Variants in KCNMB2 observed in about 807,000 individuals in gnomAD.
The protein encoded by KCNMB2 is potassium calcium-activated channel subfamily M regulatory beta subunit 2.
A neutral mutation model predicts 24.5 loss-of-function variants in KCNMB2; 9 were observed. The ratio of observed to expected loss-of-function variants is 0.37; its 90% CI spans 0.22 to 0.64. The LOEUF (loss-of-function observed/expected upper bound fraction) is 0.64, where lower values mean the gene tolerates loss of function less well. Among genes scored for constraint, KCNMB2 ranks in the 30% least tolerant of loss-of-function variants. The pLI is 0.63. For missense variants in KCNMB2, 226 were observed against 284.3 expected (o/e 0.79, Z 1.47); for synonymous variants, 109 against 104.4 (o/e 1.04, Z -0.27).
chr3:178,716,262 T>C (rs1052183625), intron 1 of KCNMB2, among the ~76,000 whole-genome samples: 3 of 152,186 alleles, frequency 2.0e-5, no homozygotes, highest in African/African-American at 2.4e-5. Flanking sequence ...TGTTGAGAGT[T>C]TGCAATACGT....
chr3:178,829,215 C>T (rs1364685362), intron 4 of KCNMB2, among the ~76,000 whole-genome samples: 2 of 152,004 alleles, frequency 1.3e-5, no homozygotes, highest in Non-Finnish European at 1.5e-5. Flanking sequence ...ATCTCATATG[C>T]CAAGACAACT....
At chr3:178,576,884 G>A (rs1012796103) in intron 1 of KCNMB2, among the ~76,000 whole-genome samples, 2 of 152,314 alleles carry the variant, frequency 1.3e-5, no homozygotes, top group African/African-American at 2.4e-5. Context: ...CTGGGACAGA[G>A]CACCTGGGGG....
At chr3:178,569,413 G>GCCTCAT (rs1243267489) in intron 1 of KCNMB2, among the ~76,000 whole-genome samples, 3 of 152,100 alleles carry the variant, frequency 2.0e-5, no homozygotes, top group African/African-American at 7.2e-5. Flanking sequence ...TTGATTCATA[G>GCCTCAT]CCTCATCCAA....
At chr3:178,776,763 G>A (rs1284514370) in intron 1 of KCNMB2, among the ~76,000 whole-genome samples, 1 of 152,100 alleles carries the variant, frequency 6.6e-6, no homozygotes, top group African/African-American at 2.4e-5. Flanking sequence ...ATCCTCAGAA[G>A]TAATTAGATG....
chr3:178,789,868 G>A (rs1212730259), intron 1 of KCNMB2, among the ~76,000 whole-genome samples: 1 of 152,066 alleles, frequency 6.6e-6, no homozygotes, highest in African/African-American at 2.4e-5. Flanking sequence ...CTGATGCTGT[G>A]CTGGGCTTAT....
intron 1 of KCNMB2, among the ~76,000 whole-genome samples, chr3:178,779,223 T>G (rs540140076): frequency 6.6e-6 from 1 of 152,226 alleles, no homozygotes. Context: ...GTCCATTTGA[T>G]GGCCTTTCCC....
intron 4 of KCNMB2, among the ~76,000 whole-genome samples, chr3:178,840,960 G>A (rs986728368): frequency 1.3e-5 from 2 of 152,186 alleles, no homozygotes; most frequent in Admixed American, 6.5e-5. Context: ...AACATGGTCA[G>A]GCTGCACATT....
At chr3:178,659,959 T>C (rs1441951422) in intron 1 of KCNMB2, among the ~76,000 whole-genome samples, 1 of 152,120 alleles carries the variant, frequency 6.6e-6, no homozygotes, top group Non-Finnish European at 1.5e-5. Context: ...TGGAAAATGG[T>C]GTTGAAGTTG....
chr3:178,818,918 C>A (rs113031250), intron 2 of KCNMB2, among the ~76,000 whole-genome samples: 39,713 of 151,954 alleles, frequency 0.26, 6,997 homozygotes, highest in African/African-American at 0.51. Context: ...CTCTTATATT[C>A]TGCCTGGATA....
At chr3:178,775,438 G>A (rs1317750000) in intron 1 of KCNMB2, among the ~76,000 whole-genome samples, 4 of 152,104 alleles carry the variant, frequency 2.6e-5, no homozygotes. Context: ...AGAAAATATT[G>A]AGGAGGAATG....
At chr3:178,705,850 G>C (rs1179137488) in intron 1 of KCNMB2, among the ~76,000 whole-genome samples, 1 of 152,118 alleles carries the variant, frequency 6.6e-6, no homozygotes, top group Non-Finnish European at 1.5e-5. Context: ...CAAATACCTT[G>C]GAGTCAGTGG....
At chr3:178,777,836 C>T (rs1440847944) in intron 1 of KCNMB2, among the ~76,000 whole-genome samples, 4 of 152,142 alleles carry the variant, frequency 2.6e-5, no homozygotes, top group Non-Finnish European at 5.9e-5. Context: ...TATAAATAGT[C>T]ATGGCATGAG....
intron 1 of KCNMB2, among the ~76,000 whole-genome samples, chr3:178,725,432 A>G (rs892498242): frequency 6.6e-6 from 1 of 152,080 alleles, no homozygotes; most frequent in Admixed American, 6.6e-5. Flanking sequence ...TAACAATATG[A>G]TTCTATATCT....
intron 1 of KCNMB2, among the ~76,000 whole-genome samples, chr3:178,631,167 T>A (rs1406851675): frequency 6.6e-6 from 1 of 152,090 alleles, no homozygotes; most frequent in Non-Finnish European, 1.5e-5. Context: ...CTTAATATGG[T>A]TCATCGGGGT....
At chr3:178,799,647 T>C (rs926731755) in intron 1 of KCNMB2, among the ~76,000 whole-genome samples, 2 of 152,038 alleles carry the variant, frequency 1.3e-5, no homozygotes, top group Non-Finnish European at 2.9e-5. Flanking sequence ...AAAATACCAA[T>C]GACATTCTCC....
intron 1 of KCNMB2, among the ~76,000 whole-genome samples, chr3:178,745,599 TA>T (rs1274482081): frequency 6.6e-6 from 1 of 152,068 alleles, no homozygotes; most frequent in Non-Finnish European, 1.5e-5. Context: ...CAGTATTAAC[TA>T]AAAGGTCTAC....
chr3:178,606,293 C>A (rs535255182), intron 1 of KCNMB2, among the ~76,000 whole-genome samples: 1 of 152,232 alleles, frequency 6.6e-6, no homozygotes, highest in South Asian at 2.1e-4. Context: ...TGAGTTTCAA[C>A]TGGTTAGACA....
intron 1 of KCNMB2, among the ~76,000 whole-genome samples, chr3:178,788,241 GT>G (rs1410337160): frequency 6.6e-6 from 1 of 152,110 alleles, no homozygotes; most frequent in African/African-American, 2.4e-5. Context: ...CACAGTGAAG[GT>G]TTAACAATTA....
At chr3:178,665,987 T>C (rs926542128) in intron 1 of KCNMB2, among the ~76,000 whole-genome samples, 1 of 152,188 alleles carries the variant, frequency 6.6e-6, no homozygotes, top group Non-Finnish European at 1.5e-5. Flanking sequence ...TAAGTATGTA[T>C]GATGTGGCTT....
Sources: allele counts gnomAD v4.1 joint callset (sites outside exome capture counted in the v4.1 genomes callset), GRCh38; gene constraint gnomAD v4.1.1; transcripts MANE v1.5; gene names NCBI Gene and HGNC (gene_info 2026-07-23, HGNC 2026-07-21).